The following EPG5 variants were observed in gnomAD, a reference collection of about 807,000 sequenced individuals.
EPG5 encodes ectopic P granules protein 5 homolog.
In EPG5, 159 loss-of-function variants were observed where a neutral mutation model predicts 302.7. The ratio of observed to expected loss-of-function variants is 0.53; its 90% CI spans 0.46 to 0.60. The LOEUF is 0.60. Among genes scored for constraint, EPG5 ranks in the 20% least tolerant of loss-of-function variants. EPG5 has a pLI of 0.00. For missense variants in EPG5, 2,896 were observed against 3,092.4 expected (o/e 0.94, Z 1.51); for synonymous variants, 1,158 against 1,136.8 (o/e 1.02, Z -0.37).
chr18:45,876,428 T>C, intron 34 of EPG5, 86 bp from the exon 35 acceptor site: 1 of 1,049,566 alleles, frequency 9.5e-7, no homozygotes, highest in Non-Finnish European at 1.5e-6. Flanking sequence ...GCCTAAGTCC[T>C]GGAAGCCTGT....
chr18:45,885,380 C>T (rs1227473107), intron 29 of EPG5, among the ~76,000 whole-genome samples: 1 of 152,014 alleles, frequency 6.6e-6, no homozygotes, highest in South Asian at 2.1e-4. Flanking sequence ...TACTACAAGA[C>T]TTTTAAGACA....
Position 45,879,082 on chromosome 18 carries a change from G to A in EPG5, c.5800C>T (p.Leu1934Phe), listed in dbSNP as rs750545436. 1.9e-6 allele frequency: 3 copies of A among 1,614,092 alleles called. No individual in the cohort carries two copies. Among genetic ancestry groups the A allele is most frequent in the South Asian group, 1.1e-5 (1 of 91,084 alleles). Residue 1934 changes from leucine (L) to phenylalanine (F), a missense_variant, in exon 33 of 44, where the codon CTT becomes TTT. Leu to Phe is a conservative substitution (Grantham distance 22). Transcript: ENST00000282041. ...TCTAAGTCAATCAGCCTTTTCACAA[G>A]GTAGCCCAAGAATGTCTTCACATCA... is the stretch of plus-strand genomic sequence containing the variant. ...MADVKTFLGY[L>F]VKRLIDLEMT...
At chr18:45,883,643 T>G (rs1159878682) in intron 30 of EPG5, among the ~76,000 whole-genome samples, 1 of 121,922 alleles carries the variant, frequency 8.2e-6, no homozygotes, top group African/African-American at 3.4e-5. Context: ...TTTTTTTTTG[T>G]ACAGACAGGG....
At chr18:45,873,965 A>G (rs935038585) in intron 35 of EPG5, among the ~76,000 whole-genome samples, 3 of 152,354 alleles carry the variant, frequency 2.0e-5, no homozygotes, top group African/African-American at 7.2e-5. Context: ...ATTCTAGAGA[A>G]GGTAACACTA....
At chr18:45,936,362 T>C (rs907813784) in intron 10 of EPG5, among the ~76,000 whole-genome samples, 1 of 152,158 alleles carries the variant, frequency 6.6e-6, no homozygotes, top group Non-Finnish European at 1.5e-5. Flanking sequence ...CTTATTAAAA[T>C]TGTATGTAAA....
rs374998153 is a variant in EPG5 at position 45,932,524 on chromosome 18, G to A, written c.2258-1694C>T. Among the ~76,000 whole-genome samples, 70 of 152,248 alleles carry A rather than the reference G, an allele frequency of 4.6e-4. No individual in the cohort carries two copies. The East Asian group carries it at 0.012, about 25-fold the overall frequency. Reference sequence around the variant, plus strand: ...TATTACCACAGATAAATAAGAACTGGTTATAAAGAATAAGCACTTCTGGCA... The same window carrying A: ...TATTACCACAGATAAATAAGAACTGATTATAAAGAATAAGCACTTCTGGCA... On this transcript the variant is annotated intron_variant, in intron 11 of 43. Transcript: ENST00000282041.
the EPG5 span, chr18:45,839,102 G>A: frequency 7.2e-7 from 1 of 1,390,960 alleles, no homozygotes; most frequent in Non-Finnish European, 9.2e-7. Context: ...CCAGGTGGGT[G>A]CGCCCCAGAC....
chr18:45,811,867 T>G, the EPG5 span, among the ~76,000 whole-genome samples: 1 of 152,182 alleles, frequency 6.6e-6, no homozygotes, highest in Non-Finnish European at 1.5e-5. Flanking sequence ...AAGACAGGGA[T>G]GCCCTCTCTC....
At position 45,954,985 on chromosome 18, in the gene EPG5, T is replaced by C. The variant is rs762205179; in HGVS notation, c.417A>G (p.Thr139=). ...GTKVETPKNF[T]EVEENMSVQG... ...GTACCGACATATTTTCCTCTACCTC[T>C]GTGAAGTTCTTGGGGGTTTCTACTT... The change falls in exon 2 of 44, where the codon ACA becomes ACG. Residue 139 remains threonine (T), a synonymous_variant. Coordinates refer to ENST00000282041, the MANE Select transcript of EPG5 (RefSeq NM_020964.3). 6.2e-7 allele frequency: 1 copy of C among 1,614,216 alleles called. No homozygotes were observed. Among genetic ancestry groups the C allele is most frequent in the South Asian group, 1.1e-5 (1 of 91,088 alleles).
the EPG5 span, among the ~76,000 whole-genome samples, chr18:45,828,813 A>G: frequency 1.3e-5 from 2 of 152,184 alleles, no homozygotes; most frequent in African/African-American, 4.8e-5. Flanking sequence ...GCCGCAGAAA[A>G]ACAAACCCAA....
At chr18:45,813,715 T>G in the EPG5 span, among the ~76,000 whole-genome samples, 1 of 136,858 alleles carries the variant, frequency 7.3e-6, no homozygotes, top group African/African-American at 2.8e-5. Context: ...AATTGAACAA[T>G]GAGAACACCT....
chr18:45,925,861 C>A lies in EPG5; in HGVS notation c.2595G>T (p.Trp865Cys), dbSNP rs1160786631. ...CCGCTATCTCAGATGCAGAAGGTTG[C>A]CAAAGATACAAAGGCAGTTCTTTAA... The part of the protein sequence containing the change: ...YLFKELPLYL[W>C]QPSASEIAVI... The change falls in exon 14 of 44, where the codon TGG (tryptophan) becomes TGT (cysteine). Residue 865 changes from tryptophan to cysteine, a missense_variant. Physicochemically the swap from Trp to Cys is radical, Grantham distance 215 (BLOSUM62 -2). Coordinates refer to ENST00000282041, the MANE Select transcript of EPG5 (RefSeq NM_020964.3). 1.3e-6 allele frequency: 2 copies of A among 1,554,660 alleles called. No homozygotes were observed. The highest frequency in any genetic ancestry group is 2.1e-5 in the Admixed American group (1 of 48,602).
At chr18:45,823,714 C>T in the EPG5 span, among the ~76,000 whole-genome samples, 2 of 152,310 alleles carry the variant, frequency 1.3e-5, no homozygotes, top group Admixed American at 1.3e-4. Context: ...ACATGGTTCT[C>T]TCCTCCATAA....
chr18:45,842,164 C>A, the EPG5 span: 33 of 1,614,080 alleles, frequency 2.0e-5, no homozygotes, highest in African/African-American at 2.7e-5. Context: ...CCGGAGCCCA[C>A]CAGCCACCAT....
intron 1 of EPG5, among the ~76,000 whole-genome samples, chr18:45,961,994 GT>G (rs1216478445): frequency 6.6e-6 from 1 of 151,254 alleles, no homozygotes; most frequent in East Asian, 1.9e-4. Context: ...ATGGGTTTTT[GT>G]TTGTTTAGCT....
chr18:45,832,981 C>T, the EPG5 span, among the ~76,000 whole-genome samples: 2 of 152,100 alleles, frequency 1.3e-5, no homozygotes, highest in Non-Finnish European at 2.9e-5. Context: ...AAATCTCTTC[C>T]TAATGGCAGC....
chr18:45,880,007 T>C (rs549910513), intron 32 of EPG5, 68 bp downstream of exon 32: 2 of 1,467,764 alleles, frequency 1.4e-6, no homozygotes, highest in Admixed American at 4.6e-5. Context: ...TTCCAACTGC[T>C]TAAAAAATGA....
intron 11 of EPG5, among the ~76,000 whole-genome samples, chr18:45,934,023 C>T (rs1248090290): frequency 7.2e-5 from 11 of 152,082 alleles, no homozygotes; most frequent in Non-Finnish European, 1.6e-4. Context: ...GGCACGGTGG[C>T]TCACGCCTGT....
At chr18:45,945,143 C>A (rs1205026706) in intron 7 of EPG5, among the ~76,000 whole-genome samples, 1 of 152,176 alleles carries the variant, frequency 6.6e-6, no homozygotes, top group Non-Finnish European at 1.5e-5. Context: ...AAGGCAAAAT[C>A]ATTCATAATT....
Sources: gnomAD v4.1 joint callset for allele counts (sites outside exome capture counted in the v4.1 genomes callset) on GRCh38, gnomAD v4.1.1 for gene constraint, MANE v1.5 for transcripts, NCBI Gene and HGNC (gene_info 2026-07-23, HGNC 2026-07-21) for gene names.